TTC8: variants seen among roughly 807,000 people sequenced by gnomAD.
The protein encoded by TTC8 is tetratricopeptide repeat domain 8, also known as tetratricopeptide repeat protein 8.
In TTC8, 47 loss-of-function variants were observed where a neutral mutation model predicts 72.5. That is an observed-to-expected ratio of 0.65 (90% CI 0.51 to 0.83). The LOEUF is 0.83. Among genes scored for constraint, TTC8 ranks in the 40% least tolerant of loss-of-function variants. The pLI is 0.00. For synonymous variants in TTC8, 199 were observed against 221.4 expected, an observed-to-expected ratio of 0.90 and a Z score of 0.90; for missense variants, 611 against 623.2, an observed-to-expected ratio of 0.98 and a Z score of 0.21.
intron 8 of TTC8, among the ~76,000 whole-genome samples, chr14:88,855,982 G>A (rs2094854041): frequency 6.6e-6 from 1 of 152,200 alleles, no homozygotes; most frequent in Non-Finnish European, 1.5e-5. Context: ...CTACTTGGGA[G>A]GCTAAGACAG....
chr14:88,841,494 C>T lies in TTC8; in HGVS notation c.559C>T (p.Gln187Ter), dbSNP rs376035653. ...LSRLNLTKYS[Q>*]KPKLAKALFE... ...TAGGCTGAATTTAACAAAGTATTCCCAGAAACCTAAGTTGGCAAAGGTATG... is the reference window on the plus strand; with the variant it reads ...TAGGCTGAATTTAACAAAGTATTCCTAGAAACCTAAGTTGGCAAAGGTATG... Residue 187 changes from glutamine to a stop codon, truncating the protein, a stop_gained, in exon 6 of 15, where the codon CAG becomes TAG. Transcript: ENST00000380656. LOFTEE classifies it high-confidence loss of function. 12 of 1,613,506 alleles carry T rather than the reference C, an allele frequency of 7.4e-6. No individual in the cohort carries two copies. Among genetic ancestry groups the T allele is most frequent in the Non-Finnish European group, 1.0e-5 (12 of 1,179,728 alleles).
intron 10 of TTC8, among the ~76,000 whole-genome samples, chr14:88,862,763 G>A (rs1049959073): frequency 2.7e-5 from 4 of 148,056 alleles, no homozygotes. Context: ...TTTACTTTTT[G>A]CAGAAATGGG....
chr14:88,879,546 C>T (rs2094967370), downstream of TTC8: 1 of 151,972 alleles, frequency 6.6e-6, no homozygotes. Flanking sequence ...ATAGTGATAA[C>T]TCTTCCATTG....
chr14:88,837,702 A>G (rs551325995), intron 2 of TTC8, among the ~76,000 whole-genome samples: 2 of 152,280 alleles, frequency 1.3e-5, no homozygotes, highest in South Asian at 4.1e-4. Flanking sequence ...AGTATTGCCT[A>G]TTTCCATCTT....
At chr14:88,869,226 A>G (rs965680671) in intron 10 of TTC8, among the ~76,000 whole-genome samples, 2 of 152,226 alleles carry the variant, frequency 1.3e-5, no homozygotes, top group African/African-American at 4.8e-5. Context: ...TGGACTTGAG[A>G]AATATAACAT....
chr14:88,870,119 A>T lies in TTC8; in HGVS notation c.970A>T (p.Thr324Ser). 1.2e-6 allele frequency: 2 copies of T among 1,613,958 alleles called. No homozygotes were observed. Among genetic ancestry groups the T allele is most frequent in the Non-Finnish European group, 8.5e-7 (1 of 1,179,886 alleles). ...CAAAGAAGTTTTGAAACAAGACAAT[A>T]CTCATGTGGAAGCCATCGCATGCAT... is the stretch of plus-strand genomic sequence containing the variant. ...YYKEVLKQDN[T>S]HVEAIACIGS... The change falls in exon 11 of 15, where the codon ACT (threonine) becomes TCT (serine). Residue 324 changes from threonine (T) to serine (S), a missense_variant. Physicochemically the swap from Thr to Ser is moderately conservative, Grantham distance 58. Transcript: ENST00000380656.
intron 10 of TTC8, among the ~76,000 whole-genome samples, chr14:88,869,746 A>G (rs1320269228): frequency 6.6e-6 from 1 of 151,770 alleles, no homozygotes. Context: ...ACCTCCTCCA[A>G]AGTGGCCCCT....
downstream of TTC8, chr14:88,881,016 G>A (rs189369640): frequency 6.6e-6 from 1 of 151,974 alleles, no homozygotes; most frequent in African/African-American, 2.4e-5. Context: ...ATTCACTGTT[G>A]GGCATATATA....
intron 14 of TTC8, 116 bp from the exon 15 acceptor site, chr14:88,877,178 A>T (rs2094960568): frequency 1.3e-6 from 1 of 796,024 alleles, no homozygotes; most frequent in Non-Finnish European, 2.1e-6. Context: ...AAAAAAAAAG[A>T]AAAGAACCCT....
intron 2 of TTC8, among the ~76,000 whole-genome samples, chr14:88,839,049 G>A (rs2094766842): frequency 6.6e-6 from 1 of 152,208 alleles, no homozygotes; most frequent in Non-Finnish European, 1.5e-5. Flanking sequence ...TTTAGAACTG[G>A]AAAATCAGGG....
chr14:88,837,804 G>A (rs1225376828), intron 2 of TTC8, among the ~76,000 whole-genome samples: 1 of 152,134 alleles, frequency 6.6e-6, no homozygotes, highest in Non-Finnish European at 1.5e-5. Context: ...CCTGATCTTT[G>A]ATGAGTGAAA....
chr14:88,833,635 TTTTA>T, intron 1 of TTC8, 54 bp from the exon 2 acceptor site: 1 of 1,553,500 alleles, frequency 6.4e-7, no homozygotes, highest in Non-Finnish European at 8.9e-7. Flanking sequence ...CCTTAGGACT[TTTTA>T]TTTTAGAAAC....
Position 88,877,318 on chromosome 14 carries a change from G to C in TTC8, c.1456G>C (p.Val486Leu), listed in dbSNP as rs2094961198. 1 of 1,613,570 alleles carries C rather than the reference G, an allele frequency of 6.2e-7. No homozygotes were observed. Among genetic ancestry groups the C allele is most frequent in the South Asian group, 1.1e-5 (1 of 91,072 alleles). ...GATTGGAGATCTGCAGAGAAGCTATGTTGCTGCGCAGAAGTCTGAAGCAGC... is the reference window on the plus strand; with the variant it reads ...GATTGGAGATCTGCAGAGAAGCTATCTTGCTGCGCAGAAGTCTGAAGCAGC... ...DKIGDLQRSY[V>L]AAQKSEAAFP... Residue 486 changes from valine (V) to leucine (L), a missense_variant, in exon 15 of 15, where the codon GTT becomes CTT. Physicochemically the swap from Val to Leu is conservative, Grantham distance 32. Transcript: ENST00000380656.
At chr14:88,846,500 G>C (rs951064272) in intron 7 of TTC8, 1 of 601,492 alleles carries the variant, frequency 1.7e-6, no homozygotes, top group Non-Finnish European at 2.9e-6. Context: ...GTGGCTGAGT[G>C]AGGCCTGTGA....
chr14:88,848,651 G>A (rs986318341), intron 7 of TTC8, among the ~76,000 whole-genome samples: 6 of 152,038 alleles, frequency 3.9e-5, no homozygotes, highest in Non-Finnish European at 8.8e-5. Flanking sequence ...ATAAACACTA[G>A]GCAGAAACAT....
chr14:88,848,268 C>T (rs923056690), intron 7 of TTC8, among the ~76,000 whole-genome samples: 39 of 147,334 alleles, frequency 2.6e-4, no homozygotes, highest in African/African-American at 9.8e-4. Context: ...TTAATAACAA[C>T]AAAAATATAA....
At chr14:88,851,929 G>T (rs1040027082) in intron 7 of TTC8, among the ~76,000 whole-genome samples, 1 of 152,100 alleles carries the variant, frequency 6.6e-6, no homozygotes, top group African/African-American at 2.4e-5. Flanking sequence ...TAAGGAACTC[G>T]CATTCATTTC....
At chr14:88,835,766 CTTTT>C (rs1033140330) in intron 2 of TTC8, among the ~76,000 whole-genome samples, 1 of 151,492 alleles carries the variant, frequency 6.6e-6, no homozygotes, top group Admixed American at 6.6e-5. Context: ...TAGTTTTAAA[CTTTT>C]TTTTGGTTTG....
chr14:88,875,061 AC>A lies in TTC8; in HGVS notation c.1387del (p.His463IlefsTer42), dbSNP rs2141044380. On this transcript the variant is annotated frameshift_variant, in exon 14 of 15. Coordinates refer to ENST00000380656, the MANE Select transcript of TTC8 (RefSeq NM_144596.4). LOFTEE classifies it high-confidence loss of function. ...ALLQTASSLA[P>X]HMYEPHFNFA... Reference sequence around the variant, plus strand: ...TATTACAAACTGCATCATCATTAGCACCCCATATGTATGAACCGCATTTTAA... The same window carrying A: ...TATTACAAACTGCATCATCATTAGCACCCATATGTATGAACCGCATTTTAA... 15 of 1,612,884 alleles carry A rather than the reference AC, an allele frequency of 9.3e-6. No homozygotes were observed. The highest frequency in any genetic ancestry group is 1.3e-5 in the Non-Finnish European group (15 of 1,179,614).
Sources: gnomAD v4.1 joint callset for allele counts (sites outside exome capture counted in the v4.1 genomes callset) on GRCh38, gnomAD v4.1.1 for gene constraint, MANE v1.5 for transcripts, NCBI Gene and HGNC (gene_info 2026-07-23, HGNC 2026-07-21) for gene names.